The following TRAPPC9 variants were observed in gnomAD, a reference collection of about 807,000 sequenced individuals.
TRAPPC9 encodes trafficking protein particle complex subunit 9.
Under a neutral mutation model 124.0 loss-of-function variants are expected in TRAPPC9, and 83 were observed. The ratio of observed to expected loss-of-function variants is 0.67; its 90% CI spans 0.56 to 0.80. The LOEUF is 0.80. Ranked by LOEUF, TRAPPC9 falls within the 30% of genes least tolerant of loss-of-function variation. The pLI is 0.00. For missense variants in TRAPPC9, 1,302 were observed against 1,508.3 expected (o/e 0.86, Z 2.27); for synonymous variants, 638 against 617.5 (o/e 1.03, Z -0.49).
intron 17 of TRAPPC9, among the ~76,000 whole-genome samples, chr8:140,168,278 T>A (rs546222953): frequency 6.6e-6 from 1 of 152,366 alleles, no homozygotes; most frequent in Admixed American, 6.5e-5. Context: ...TAATGTAAGA[T>A]TAACCATTCT....
chr8:140,457,632 C>T lies in TRAPPC9; in HGVS notation c.-11+7G>A, dbSNP rs1490885322. The T allele has an allele frequency of 1.0e-6, 1 of 986,324 alleles. No homozygotes were observed. Among genetic ancestry groups the T allele is most frequent in the East Asian group, 1.1e-4 (1 of 8,780 alleles). 61.1% of individuals were successfully genotyped at this position (986,324 alleles called of 1,614,324 possible). Reference sequence around the variant, plus strand: ...CCTGACCGGGAGCCCCCCCGCTTTGCACTTACACAGCCGGTGGCCCCGGGC... The same window carrying T: ...CCTGACCGGGAGCCCCCCCGCTTTGTACTTACACAGCCGGTGGCCCCGGGC... On this transcript the variant is annotated splice_region_variant and intron_variant, in intron 1 of 22. Coordinates refer to ENST00000438773, the MANE Select transcript of TRAPPC9 (RefSeq NM_001160372.4).
intron 17 of TRAPPC9, among the ~76,000 whole-genome samples, chr8:140,025,944 G>A (rs569819045): frequency 7.9e-5 from 12 of 152,100 alleles, no homozygotes; most frequent in Admixed American, 5.2e-4. Flanking sequence ...ATCCATTTCC[G>A]TCCCCAGAAC....
chr8:139,832,870 T>A (rs963346609), intron 21 of TRAPPC9, among the ~76,000 whole-genome samples: 1 of 152,174 alleles, frequency 6.6e-6, no homozygotes. Context: ...ATGGCTTCCA[T>A]GATTACGGCA....
intron 17 of TRAPPC9, among the ~76,000 whole-genome samples, chr8:140,165,358 AAAC>A (rs2061816849): frequency 6.7e-6 from 1 of 150,184 alleles, no homozygotes; most frequent in Non-Finnish European, 1.5e-5. Flanking sequence ...ATAAAAATAA[AAAC>A]AAAATAAAAT....
At chr8:140,047,564 G>A (rs757379584) in intron 17 of TRAPPC9, among the ~76,000 whole-genome samples, 1 of 152,210 alleles carries the variant, frequency 6.6e-6, no homozygotes, top group Non-Finnish European at 1.5e-5. Context: ...AAGGGGACAA[G>A]AGTGGGCTGG....
Position 140,194,064 on chromosome 8 carries a change from G to A in TRAPPC9, c.2556+27395C>T, listed in dbSNP as rs118000078. Among the ~76,000 whole-genome samples, 373 of 152,216 alleles carry A rather than the reference G, an allele frequency of 2.5e-3. 9 individuals are homozygous for A. The East Asian group carries it at 0.065, about 26-fold the overall frequency. On this transcript the variant is annotated intron_variant, in intron 17 of 22. Transcript: ENST00000438773. ...TTTAATCCATCATTGTAACCCTAGCGCTCCCAGGGTTGAACTCTCTGAAAA... is the reference window on the plus strand; with the variant it reads ...TTTAATCCATCATTGTAACCCTAGCACTCCCAGGGTTGAACTCTCTGAAAA...
intron 12 of TRAPPC9, 115 bp from the exon 13 acceptor site, chr8:140,287,849 C>T: frequency 6.9e-7 from 1 of 1,441,860 alleles, no homozygotes. Context: ...AATAAAATCA[C>T]CAACAGTCTT....
At chr8:139,990,129 G>A (rs1837529745) in intron 18 of TRAPPC9, among the ~76,000 whole-genome samples, 1 of 152,176 alleles carries the variant, frequency 6.6e-6, no homozygotes, top group Admixed American at 6.5e-5. Context: ...ATTCTCAAAT[G>A]TATTTCTCCA....
Position 140,167,484 on chromosome 8 carries a change from C to A in TRAPPC9, c.2556+53975G>T, listed in dbSNP as rs138577414. On this transcript the variant is annotated intron_variant, in intron 17 of 22. Transcript: ENST00000438773. Reference sequence around the variant, plus strand: ...CTCGGAAAGCCATCACCATCCTCACCTGACAAGGGTGGAAACGGAGGTTCT... The same window carrying A: ...CTCGGAAAGCCATCACCATCCTCACATGACAAGGGTGGAAACGGAGGTTCT... 2.4e-3 allele frequency among the ~76,000 whole-genome samples: 361 copies of A among 152,322 alleles called. 1 individual carries two copies. The highest frequency in any genetic ancestry group is 8.5e-3 in the African/African-American group (354 of 41,576).
At chr8:140,351,088 G>A (rs1012202251) in intron 9 of TRAPPC9, among the ~76,000 whole-genome samples, 7 of 151,676 alleles carry the variant, frequency 4.6e-5, no homozygotes, top group Non-Finnish European at 7.4e-5. Context: ...GGAGAGGATG[G>A]CAGAAAAGGT....
intron 16 of TRAPPC9, among the ~76,000 whole-genome samples, chr8:140,248,500 T>C (rs1041872808): frequency 1.3e-5 from 2 of 152,242 alleles, no homozygotes; most frequent in Admixed American, 1.3e-4. Context: ...CGTGTTGTTA[T>C]TAGTGGTTTG....
intron 14 of TRAPPC9, among the ~76,000 whole-genome samples, chr8:140,278,817 G>A (rs12541103): frequency 0.12 from 18,800 of 152,330 alleles, 1,294 homozygotes; most frequent in Admixed American, 0.19. Flanking sequence ...CCCACTGGCT[G>A]CCTACCAGCT....
intron 21 of TRAPPC9, among the ~76,000 whole-genome samples, chr8:139,761,973 C>G (rs543732774): frequency 5.9e-5 from 9 of 151,878 alleles, no homozygotes; most frequent in African/African-American, 2.2e-4. Flanking sequence ...GTTTCTTTTA[C>G]ACTTGTACAG....
intron 21 of TRAPPC9, among the ~76,000 whole-genome samples, chr8:139,744,776 T>A (rs1818781501): frequency 6.6e-6 from 1 of 152,234 alleles, no homozygotes; most frequent in African/African-American, 2.4e-5. Context: ...GTAATTACCC[T>A]CAAGTCGAGA....
intron 17 of TRAPPC9, among the ~76,000 whole-genome samples, chr8:140,166,703 C>T (rs1260298308): frequency 6.6e-6 from 1 of 152,234 alleles, no homozygotes; most frequent in African/African-American, 2.4e-5. Flanking sequence ...AGAAAGCAAG[C>T]AGGCAGCTCT....
intron 18 of TRAPPC9, among the ~76,000 whole-genome samples, chr8:140,002,972 A>G (rs1838502139): frequency 6.6e-6 from 1 of 151,888 alleles, no homozygotes; most frequent in South Asian, 2.1e-4. Flanking sequence ...AAAAGAAAAA[A>G]AAGCACAACC....
At chr8:140,113,016 T>C (rs749246288) in intron 17 of TRAPPC9, among the ~76,000 whole-genome samples, 4 of 152,104 alleles carry the variant, frequency 2.6e-5, no homozygotes, top group Non-Finnish European at 5.9e-5. Context: ...AAATTCCTCT[T>C]TTCTTGACAT....
chr8:139,891,615 T>C (rs920897270), intron 20 of TRAPPC9, among the ~76,000 whole-genome samples: 1 of 152,178 alleles, frequency 6.6e-6, no homozygotes, highest in Non-Finnish European at 1.5e-5. Flanking sequence ...CCAGGTGGGA[T>C]TGGCTGCACC....
intron 9 of TRAPPC9, among the ~76,000 whole-genome samples, chr8:140,315,539 T>C (rs1388425258): frequency 6.6e-6 from 1 of 152,150 alleles, no homozygotes; most frequent in Non-Finnish European, 1.5e-5. Context: ...TTAGGAAATA[T>C]TGTTTGGAAA....
Sources: allele counts gnomAD v4.1 joint callset (sites outside exome capture counted in the v4.1 genomes callset), GRCh38; gene constraint gnomAD v4.1.1; transcripts MANE v1.5; gene names NCBI Gene and HGNC (gene_info 2026-07-23, HGNC 2026-07-21).